Variants in DPP6 observed in about 807,000 individuals in gnomAD.
The protein encoded by DPP6 is A-type potassium channel modulatory protein DPP6.
A neutral mutation model predicts 122.6 loss-of-function variants in DPP6; 69 were observed. The ratio of observed to expected loss-of-function variants is 0.56; its 90% CI spans 0.46 to 0.69. DPP6 has a LOEUF of 0.69. Among genes scored for constraint, DPP6 ranks in the 30% least tolerant of loss-of-function variants. The pLI is 0.00. For synonymous variants in DPP6, 418 were observed against 433.1 expected (o/e 0.97, Z 0.43); for missense variants, 928 against 1,116.9 (o/e 0.83, Z 2.41).
chr7:154,305,339 C>T, intron 1 of DPP6: 1 of 613,674 alleles, frequency 1.6e-6, no homozygotes. Context: ...CTTGTCTACC[C>T]ACCCTCCCTC....
At chr7:154,862,711 C>T (rs1803511894) in intron 17 of DPP6, among the ~76,000 whole-genome samples, 1 of 152,208 alleles carries the variant, frequency 6.6e-6, no homozygotes, top group South Asian at 2.1e-4. Flanking sequence ...CATGAGTCCC[C>T]TCAATGCACA....
intron 1 of DPP6, among the ~76,000 whole-genome samples, chr7:154,328,778 C>T (rs1221501870): frequency 6.6e-6 from 1 of 152,126 alleles, no homozygotes; most frequent in Non-Finnish European, 1.5e-5. Context: ...TTGTCATTAA[C>T]CCCGTTGCCC....
chr7:154,876,016 G>A lies in DPP6; in HGVS notation c.1994G>A (p.Ser665Asn). 6.2e-7 allele frequency: 1 copy of A among 1,613,272 alleles called. No individual in the cohort carries two copies. Among genetic ancestry groups the A allele is most frequent in the Non-Finnish European group, 8.5e-7 (1 of 1,179,716 alleles). The part of the protein sequence containing the change: ...AVVVKCDGRG[S>N]GFQGTKLLHE... ...GTGGTAAAGTGTGACGGCCGTGGCA[G>A]CGGCTTCCAAGGGACCAAGCTCCTG... Residue 665 changes from serine to asparagine, a missense_variant, in exon 20 of 26, where the codon AGC becomes AAC. By Grantham distance (46) the Ser-to-Asn change is conservative. Coordinates refer to ENST00000377770, the MANE Select transcript of DPP6 (RefSeq NM_130797.4).
chr7:153,942,112 A>G lies in DPP6; in HGVS notation c.51+54378A>G, dbSNP rs149414347. Among the ~76,000 whole-genome samples, 389 of 152,330 alleles carry G rather than the reference A, an allele frequency of 2.6e-3. 1 individual carries two copies. The highest frequency in any genetic ancestry group is 3.9e-3 in the Non-Finnish European group (264 of 68,026). The stretch of plus-strand genomic sequence containing the variant: ...GAATTGCTATTCCCCACCTCTATTC[A>G]ATTTAGCACCACCGTTGTGCATGTT... On this transcript the variant is annotated intron_variant, in intron 1 of 25. Coordinates refer to the DPP6 transcript ENST00000404039.
At position 153,923,283 on chromosome 7, in the gene DPP6, A is replaced by G. The variant is rs556745210; in HGVS notation, c.51+35549A>G. 1.1e-3 allele frequency among the ~76,000 whole-genome samples: 172 copies of G among 152,330 alleles called. 1 individual carries two copies. The highest frequency in any genetic ancestry group is 4.0e-3 in the African/African-American group (165 of 41,572). On this transcript the variant is annotated intron_variant, in intron 1 of 25. Coordinates refer to the DPP6 transcript ENST00000404039. ...TAAGGCAAAGGGCAAGGTGAACATA[A>G]CATCCATGGCATTAAGATGCCTAAT...
intron 1 of DPP6, among the ~76,000 whole-genome samples, chr7:154,081,134 A>T (rs1803971619): frequency 1.3e-5 from 2 of 151,992 alleles, no homozygotes; most frequent in African/African-American, 4.8e-5. Context: ...ACTTAGCATG[A>T]CCTAGCCCCT....
chr7:154,365,957 C>CAAAAA (rs35516153), intron 1 of DPP6, among the ~76,000 whole-genome samples: 29 of 75,908 alleles, frequency 3.8e-4, no homozygotes, highest in African/African-American at 1.2e-3. Context: ...GACTCCGTCT[C>CAAAAA]AAAAAAAAAA....
intron 7 of DPP6, among the ~76,000 whole-genome samples, chr7:154,672,407 G>C (rs1838623699): frequency 6.6e-6 from 1 of 152,204 alleles, no homozygotes; most frequent in Non-Finnish European, 1.5e-5. Flanking sequence ...CTGGTGCCCA[G>C]TACACATTTG....
intron 1 of DPP6, among the ~76,000 whole-genome samples, chr7:154,008,429 T>C (rs1798003596): frequency 6.6e-6 from 1 of 152,280 alleles, no homozygotes; most frequent in African/African-American, 2.4e-5. Context: ...CCACAGGGAC[T>C]AGCGACATAG....
At chr7:154,604,649 T>A (rs1439542102) in intron 5 of DPP6, among the ~76,000 whole-genome samples, 1 of 121,034 alleles carries the variant, frequency 8.3e-6, no homozygotes, top group Non-Finnish European at 1.9e-5. Flanking sequence ...TGCATAATTT[T>A]AAAATAGGGT....
At chr7:154,837,373 T>G (rs1027984287) in intron 16 of DPP6, among the ~76,000 whole-genome samples, 4 of 151,822 alleles carry the variant, frequency 2.6e-5, no homozygotes, top group Admixed American at 1.3e-4. Context: ...TACAGGCACA[T>G]TCACACATGC....
intron 2 of DPP6, among the ~76,000 whole-genome samples, chr7:154,461,286 C>T (rs1258258915): frequency 1.3e-5 from 2 of 152,174 alleles, no homozygotes; most frequent in Non-Finnish European, 2.9e-5. Flanking sequence ...ACTAGGGTTG[C>T]TTCCAAATCT....
chr7:154,709,455 A>G (rs1014833233), intron 7 of DPP6, among the ~76,000 whole-genome samples: 1 of 152,166 alleles, frequency 6.6e-6, no homozygotes, highest in African/African-American at 2.4e-5. Context: ...CCTGGCCTCA[A>G]GTAATCCTCC....
At chr7:154,748,833 T>C (rs953455042) in intron 8 of DPP6, among the ~76,000 whole-genome samples, 4 of 152,176 alleles carry the variant, frequency 2.6e-5, no homozygotes, top group Non-Finnish European at 4.4e-5. Context: ...CCAGTTCCCA[T>C]CAACAGCTCA....
At chr7:154,720,045 G>A (rs1207824422) in intron 7 of DPP6, among the ~76,000 whole-genome samples, 1 of 152,172 alleles carries the variant, frequency 6.6e-6, no homozygotes, top group Non-Finnish European at 1.5e-5. Context: ...TTGGTGAGGA[G>A]GGAGTACAGC....
At chr7:154,319,588 A>G (rs1189931943) in intron 1 of DPP6, among the ~76,000 whole-genome samples, 3 of 152,260 alleles carry the variant, frequency 2.0e-5, no homozygotes, top group Non-Finnish European at 4.4e-5. Context: ...CCAGCTACTC[A>G]GGAGGCTGAC....
intron 7 of DPP6, among the ~76,000 whole-genome samples, chr7:154,685,587 C>T (rs1441098655): frequency 6.6e-6 from 1 of 152,108 alleles, no homozygotes; most frequent in Non-Finnish European, 1.5e-5. Flanking sequence ...GTCAACATTC[C>T]AACTTCATAA....
chr7:154,585,569 A>G (rs1339648667), intron 5 of DPP6, among the ~76,000 whole-genome samples: 3 of 152,246 alleles, frequency 2.0e-5, no homozygotes, highest in Non-Finnish European at 4.4e-5. Context: ...ACTCCACAGA[A>G]GCTCAAGCGC....
In DPP6 at chr7:154,867,275, G is replaced by C. The variant is rs117299504; in HGVS notation, c.1715-720G>C. Reference sequence around the variant, plus strand: ...ATGGCCATTTCAGTACATGAACGGAGAGTTCCTCAGGGGACTTCTTTGCAT... The same window carrying C: ...ATGGCCATTTCAGTACATGAACGGACAGTTCCTCAGGGGACTTCTTTGCAT... On this transcript the variant is annotated intron_variant, in intron 17 of 25. Coordinates refer to ENST00000377770, the MANE Select transcript of DPP6 (RefSeq NM_130797.4). 8.2e-4 allele frequency among the ~76,000 whole-genome samples: 125 copies of C among 152,318 alleles called. 2 individuals are homozygous for C. The East Asian group carries it at 0.024, about 29-fold the overall frequency.
Sources: allele counts gnomAD v4.1 joint callset (sites outside exome capture counted in the v4.1 genomes callset), GRCh38; gene constraint gnomAD v4.1.1; transcripts MANE v1.5; gene names NCBI Gene and HGNC (gene_info 2026-07-23, HGNC 2026-07-21).